GCAT: variants seen among roughly 807,000 people sequenced by gnomAD.
GCAT encodes the protein 2-amino-3-ketobutyrate coenzyme A ligase, mitochondrial.
GCAT carries 26 observed loss-of-function variants against 39.7 expected under a neutral mutation model. The observed-to-expected ratio is 0.65, with a 90% CI of 0.48 to 0.91. The LOEUF (loss-of-function observed/expected upper bound fraction) is 0.91, where lower values mean the gene tolerates loss of function less well. GCAT is among the 40% of genes least tolerant of loss of function. The probability of loss-of-function intolerance (pLI) is 0.00; values close to 1 mark genes in which losing one functional copy is unlikely to be tolerated. For missense variants in GCAT, 550 were observed against 576.2 expected (o/e 0.95, Z 0.47); for synonymous variants, 218 against 237.2 (o/e 0.92, Z 0.74).
In GCAT at chr22:37,816,671, G is replaced by T; in HGVS notation, c.1213G>T (p.Val405Leu). ...VHSEEDIDRC[V>L]EAFVEVGRLH... ...TAGCGAGGAAGACATTGACCGCTGC[G>T]TGGAGGCCTTCGTGGAAGTGGGGCG... is the stretch of plus-strand genomic sequence containing the variant. The change falls in exon 9 of 9, where the codon GTG becomes TTG. Residue 405 changes from valine to leucine, a missense_variant. Transcript: ENST00000248924. 1 of 1,614,124 alleles carries T rather than the reference G, an allele frequency of 6.2e-7. No homozygotes were observed. The highest frequency in any genetic ancestry group is 1.1e-5 in the South Asian group (1 of 91,090).
At chr22:37,810,202 C>T (rs755672332) in intron 2 of GCAT, 45 bp downstream of exon 2, 3 of 1,389,992 alleles carry the variant, frequency 2.2e-6, no homozygotes, top group Non-Finnish European at 3.1e-6. Context: ...ACCCCAGCTG[C>T]CTGCTTCCCA....
Position 37,813,527 on chromosome 22 carries a change from G to T in GCAT, c.494G>T (p.Gly165Val), listed in dbSNP as rs748730448. The change falls in exon 4 of 9, where the codon GGC becomes GTC. Residue 165 changes from glycine to valine, a missense_variant. By Grantham distance (109) the Gly-to-Val change is moderately radical. Transcript: ENST00000248924. ...DELNHASIID[G>V]IRLCKAHKYR... is the part of the protein sequence containing the mutation. ...CTGAACCATGCCTCCATCATCGACG[G>T]CATCCGGCTGTGCAAGGCCCACAAG... is the stretch of plus-strand genomic sequence containing the variant. 1 of 1,613,112 alleles carries T rather than the reference G, an allele frequency of 6.2e-7. No individual in the cohort carries two copies. Among genetic ancestry groups the T allele is most frequent in the East Asian group, 2.2e-5 (1 of 44,862 alleles).
At chr22:37,817,142 T>C (rs1395004566), downstream of GCAT, 4 of 171,658 alleles carry the variant, frequency 2.3e-5, no homozygotes, top group East Asian at 1.5e-4. Context: ...CTGACCAACA[T>C]GGAGAAACCC....
Position 37,807,990 on chromosome 22 carries a change from G to A in GCAT, c.23G>A (p.Arg8His), listed in dbSNP as rs1453173079. 5.2e-6 allele frequency: 8 copies of A among 1,538,290 alleles called. No homozygotes were observed. In the African/African-American group the frequency reaches 5.6e-5, roughly 11 times the overall value. MWPGNAW[R>H]AALFWVPRGR... is the part of the protein sequence containing the mutation. ...GCGATGTGGCCTGGGAACGCCTGGC[G>A]CGCCGCACTCTTCTGGGTGCCCCGC... Residue 8 changes from arginine to histidine, a missense_variant, in exon 1 of 9, where the codon CGC becomes CAC. This residue lies in a region of GCAT where 154 missense variants were observed against 141.9 expected (regional missense o/e 1.08). Transcript: ENST00000248924.
At chr22:37,816,414 G>T (rs560953679) in intron 8 of GCAT, 93 bp downstream of exon 8, 1 of 1,542,168 alleles carries the variant, frequency 6.5e-7, no homozygotes, top group South Asian at 1.2e-5. Flanking sequence ...ACCCAGCCAC[G>T]CTGCGGCCTC....
At chr22:37,808,833 C>A (rs565698725) in intron 1 of GCAT, among the ~76,000 whole-genome samples, 1 of 152,268 alleles carries the variant, frequency 6.6e-6, no homozygotes, top group East Asian at 1.9e-4. Flanking sequence ...ACTACAGGCA[C>A]GTGCCAGCAC....
At chr22:37,813,021 G>A (rs1248491481) in intron 3 of GCAT, 33 bp downstream of exon 3, 1 of 1,454,686 alleles carries the variant, frequency 6.9e-7, no homozygotes, top group East Asian at 2.3e-5. Flanking sequence ...GTGAGGGTTG[G>A]TGGGGCCTGT....
chr22:37,817,012 C>T (rs943620879), downstream of GCAT: 28 of 323,270 alleles, frequency 8.7e-5, no homozygotes, highest in African/African-American at 5.4e-4. Flanking sequence ...TCTCCACTGA[C>T]CTCTTTCCCT....
Position 37,816,595 on chromosome 22 carries a change from C to T in GCAT, c.1137C>T (p.Pro379=), listed in dbSNP as rs772058272. The part of the protein sequence containing the change: ...RGIFVIGFSY[P]VVPKGKARIR... ...TCTTTGTCATCGGGTTCAGCTACCCCGTGGTCCCCAAGGGCAAGGCCCGGA... is the reference window on the plus strand; with the variant it reads ...TCTTTGTCATCGGGTTCAGCTACCCTGTGGTCCCCAAGGGCAAGGCCCGGA... The change falls in exon 9 of 9, where the codon CCC becomes CCT. Residue 379 remains proline, a synonymous_variant. Coordinates refer to ENST00000248924, the MANE Select transcript of GCAT (RefSeq NM_014291.4). 32 of 1,614,096 alleles carry T rather than the reference C, an allele frequency of 2.0e-5. No homozygotes were observed. The highest frequency in any genetic ancestry group is 5.3e-5 in the African/African-American group (4 of 74,954).
chr22:37,815,955 C>T, intron 7 of GCAT, 121 bp downstream of exon 7: 1 of 1,159,830 alleles, frequency 8.6e-7, no homozygotes, highest in South Asian at 1.4e-5. Context: ...CTGTTCCCCT[C>T]CCTTCTCTCT....
intron 1 of GCAT, among the ~76,000 whole-genome samples, chr22:37,808,484 T>C (rs1601691208): frequency 1.3e-5 from 2 of 152,342 alleles, no homozygotes; most frequent in East Asian, 1.9e-4. Flanking sequence ...ACGAAGAGGC[T>C]GAAATCCACA....
chr22:37,815,317 T>C (rs1163691995), intron 5 of GCAT, 37 bp downstream of exon 5: 2 of 1,606,918 alleles, frequency 1.2e-6, no homozygotes, highest in African/African-American at 2.7e-5. Context: ...GGGGTGGGGC[T>C]TCTGAGGGTG....
At position 37,816,191 on chromosome 22, in the gene GCAT, T is replaced by C; in HGVS notation, c.987-9T>C. ...CCCCTTAGCTACCTGTGACACCTTGTGCCCACAGGTTCCGTAGTAAGATGG... is the reference window on the plus strand; with the variant it reads ...CCCCTTAGCTACCTGTGACACCTTGCGCCCACAGGTTCCGTAGTAAGATGG... On this transcript the variant is annotated splice_polypyrimidine_tract_variant and intron_variant, in intron 7 of 8. Transcript: ENST00000248924. 3 of 1,612,494 alleles carry C rather than the reference T, an allele frequency of 1.9e-6. No homozygotes were observed. Among genetic ancestry groups the C allele is most frequent in the Non-Finnish European group, 8.5e-7 (1 of 1,179,534 alleles).
At chr22:37,808,505 G>A (rs182464454) in intron 1 of GCAT, among the ~76,000 whole-genome samples, 1 of 152,320 alleles carries the variant, frequency 6.6e-6, no homozygotes, top group East Asian at 1.9e-4. Context: ...GATGTGAAAT[G>A]GCTTGCCCAA....
intron 1 of GCAT, among the ~76,000 whole-genome samples, chr22:37,808,768 C>G (rs1211189664): frequency 6.6e-6 from 1 of 152,228 alleles, no homozygotes; most frequent in African/African-American, 2.4e-5. Context: ...TTCACTGCAA[C>G]CTCTGCCTCC....
At chr22:37,814,208 C>G (rs1392685381) in intron 4 of GCAT, among the ~76,000 whole-genome samples, 1 of 152,198 alleles carries the variant, frequency 6.6e-6, no homozygotes, top group Non-Finnish European at 1.5e-5. Context: ...TCGAGCGATC[C>G]TCCCACCTCA....
rs1245415837 is a variant in GCAT, at chr22:37,815,667, C to T, written c.819C>T (p.Gly273=). The T allele has an allele frequency of 1.2e-6, 2 of 1,609,650 alleles. No individual in the cohort carries two copies. Among genetic ancestry groups the T allele is most frequent in the Non-Finnish European group, 1.7e-6 (2 of 1,177,106 alleles). ...LGKALGGASG[G]YTTGPGPLVS... ...CACCTCTTCCCTTCTTCTCAGGGGG[C>T]TACACGACAGGGCCTGGGCCCCTGG... The change falls in exon 7 of 9, where the codon GGC becomes GGT. Residue 273 remains glycine, a synonymous_variant. Coordinates refer to ENST00000248924, the MANE Select transcript of GCAT (RefSeq NM_014291.4).
chr22:37,814,470 C>T (rs1049914066), intron 4 of GCAT, among the ~76,000 whole-genome samples: 1 of 152,112 alleles, frequency 6.6e-6, no homozygotes, highest in Admixed American at 6.6e-5. Context: ...GCCATGTTGG[C>T]CAGGCTGGTT....
rs55770597 is a variant in GCAT, at chr22:37,811,875, C to CA, written c.328-996dup. Among the ~76,000 whole-genome samples, 227 of 118,684 alleles carry CA rather than the reference C, an allele frequency of 1.9e-3. 3 individuals are homozygous for CA. The highest frequency in any genetic ancestry group is 2.8e-3 in the South Asian group (10 of 3,564). 77.9% of individuals were successfully genotyped at this position (118,684 alleles called of 152,430 possible). Reference sequence around the variant, plus strand: ...TGGGTGACAGAGGGAAACTCTGTCTCAAAAAAAAAAAAAAAAGAACATTAC... The same window carrying CA: ...TGGGTGACAGAGGGAAACTCTGTCTCAAAAAAAAAAAAAAAAAGAACATTAC... On this transcript the variant is annotated intron_variant, in intron 2 of 8. Transcript: ENST00000248924.
Sources: allele counts gnomAD v4.1 joint callset (sites outside exome capture counted in the v4.1 genomes callset), GRCh38; gene constraint gnomAD v4.1.1; regional missense constraint gnomAD v4.1.1; transcripts MANE v1.5; gene names NCBI Gene and HGNC (gene_info 2026-07-23, HGNC 2026-07-21).